SDK2: variants seen among roughly 807,000 people sequenced by gnomAD.
SDK2 encodes the protein sidekick cell adhesion molecule 2, also known as protein sidekick-2.
A neutral mutation model predicts 253.9 loss-of-function variants in SDK2; 105 were observed. The ratio of observed to expected loss-of-function variants is 0.41; its 90% CI spans 0.35 to 0.49. SDK2 has a LOEUF of 0.49. SDK2 is among the 20% of genes least tolerant of loss of function. The pLI, the probability that SDK2 is intolerant of heterozygous loss-of-function variation, is 0.06. For missense variants in SDK2, 2,608 were observed against 3,003.0 expected (o/e 0.87, Z 3.07); for synonymous variants, 1,249 against 1,234.9 (o/e 1.01, Z -0.24).
chr17:73,585,517 C>T lies in SDK2; in HGVS notation c.64+58508G>A, dbSNP rs149993576. Among the ~76,000 whole-genome samples the T allele has an allele frequency of 2.4e-3, 373 of 152,320 alleles. 5 individuals carry two copies. In the South Asian group the frequency reaches 0.034, roughly 14 times the overall value. ...GTGCTGCGGGTCTGTGGGCCACACT[C>T]TGAATAGCACCTACTAACTAGCAAG... On this transcript the variant is annotated intron_variant, in intron 1 of 44. Transcript: ENST00000392650.
intron 44 of SDK2, among the ~76,000 whole-genome samples, chr17:73,346,801 C>A (rs2062488485): frequency 6.6e-6 from 1 of 152,140 alleles, no homozygotes; most frequent in African/African-American, 2.4e-5. Context: ...CTCCAAAGAC[C>A]TGGGGGAAGG....
intron 2 of SDK2, among the ~76,000 whole-genome samples, chr17:73,473,277 G>C (rs1380714986): frequency 6.6e-6 from 1 of 152,224 alleles, no homozygotes; most frequent in Non-Finnish European, 1.5e-5. Flanking sequence ...GAGAGGCAAG[G>C]AGGAGGCACG....
chr17:73,592,260 G>C (rs893570568), intron 1 of SDK2, among the ~76,000 whole-genome samples: 7 of 152,218 alleles, frequency 4.6e-5, no homozygotes, highest in African/African-American at 1.7e-4. Flanking sequence ...AAAGATCTAG[G>C]CCTCTCGGCC....
intron 8 of SDK2, among the ~76,000 whole-genome samples, chr17:73,436,026 T>C (rs1469702046): frequency 6.6e-6 from 1 of 152,166 alleles, no homozygotes; most frequent in Non-Finnish European, 1.5e-5. Context: ...AGTGCTAGGA[T>C]GACAGGTGTG....
chr17:73,406,725 A>T (rs2063082501), intron 18 of SDK2, among the ~76,000 whole-genome samples: 2 of 152,218 alleles, frequency 1.3e-5, no homozygotes, highest in South Asian at 4.1e-4. Flanking sequence ...AAATTAAATT[A>T]AAAAATCAAT....
intron 32 of SDK2, 63 bp from the exon 33 acceptor site, chr17:73,384,074 C>G (rs2062853442): frequency 6.4e-7 from 1 of 1,554,440 alleles, no homozygotes; most frequent in Non-Finnish European, 8.8e-7. Flanking sequence ...TCCCCACGCT[C>G]TCTCATCATG....
At position 73,400,372 on chromosome 17, in the gene SDK2, A is replaced by G. The variant is rs539809483; in HGVS notation, c.2971+648T>C. 3.3e-5 allele frequency among the ~76,000 whole-genome samples: 5 copies of G among 152,322 alleles called. No homozygotes were observed. The South Asian group carries it at 1.0e-3, about 32-fold the overall frequency. On this transcript the variant is annotated intron_variant, in intron 21 of 44. Transcript: ENST00000392650. ...GAATCCAAGGTGGACCCTCTGGGCGACAGTGGGAAATTTTCCCCTGAATCA... is the reference window on the plus strand; with the variant it reads ...GAATCCAAGGTGGACCCTCTGGGCGGCAGTGGGAAATTTTCCCCTGAATCA...
At chr17:73,426,614 T>C (rs527934436) in intron 12 of SDK2, among the ~76,000 whole-genome samples, 1 of 152,278 alleles carries the variant, frequency 6.6e-6, no homozygotes, top group South Asian at 2.1e-4. Context: ...AAGGACAAAT[T>C]CTCAGCAGTG....
In SDK2 at chr17:73,451,608, G is replaced by A. The variant is rs149795261; in HGVS notation, c.480-3860C>T. 3.9e-3 allele frequency among the ~76,000 whole-genome samples: 598 copies of A among 152,284 alleles called. 4 individuals are homozygous for A. The highest frequency in any genetic ancestry group is 0.013 in the African/African-American group (555 of 41,574). On this transcript the variant is annotated intron_variant, in intron 4 of 44. Coordinates refer to ENST00000392650, the MANE Select transcript of SDK2 (RefSeq NM_001144952.2). ...TGGGCTCTGCTTTAACTAGTGCCTG[G>A]AGGGAAGCACCCTGGACTGGGACCC...
chr17:73,615,722 C>T (rs772208184), intron 1 of SDK2, among the ~76,000 whole-genome samples: 1 of 152,164 alleles, frequency 6.6e-6, no homozygotes, highest in South Asian at 2.1e-4. Context: ...CAAGCTGGTC[C>T]GACAGCCCAC....
intron 18 of SDK2, among the ~76,000 whole-genome samples, chr17:73,406,284 C>T (rs539948507): frequency 2.8e-4 from 41 of 146,612 alleles, no homozygotes; most frequent in Admixed American, 2.1e-3. Context: ...CGCTCTGTTG[C>T]CTAGGCTAGG....
At chr17:73,581,514 C>G (rs1241826287) in intron 1 of SDK2, among the ~76,000 whole-genome samples, 1 of 152,236 alleles carries the variant, frequency 6.6e-6, no homozygotes, top group Non-Finnish European at 1.5e-5. Context: ...GATAAGCGCA[C>G]CTTCAAGGCT....
chr17:73,592,213 C>T (rs2045692572), intron 1 of SDK2, among the ~76,000 whole-genome samples: 1 of 152,310 alleles, frequency 6.6e-6, no homozygotes, highest in African/African-American at 2.4e-5. Flanking sequence ...CAGGCCACAG[C>T]CATGCCTCCG....
intron 44 of SDK2, among the ~76,000 whole-genome samples, chr17:73,345,336 A>T (rs1035161703): frequency 6.6e-5 from 10 of 152,124 alleles, no homozygotes; most frequent in Non-Finnish European, 7.4e-5. Context: ...AAAAGAAAAA[A>T]AAAGAGAAAG....
Position 73,335,371 on chromosome 17 carries a change from G to A in SDK2, c.*3216C>T, listed in dbSNP as rs1412287004. 1 of 152,304 alleles carries A rather than the reference G, an allele frequency of 6.6e-6. No individual in the cohort carries two copies. The highest frequency in any genetic ancestry group is 1.5e-5 in the Non-Finnish European group (1 of 68,114). 9.4% of individuals were successfully genotyped at this position (152,304 alleles called of 1,614,324 possible). A position where few individuals can be genotyped will look rare whatever the true frequency, so the allele number is the denominator to read the frequency against. ...GTGTCCTGGTGTGAACCTGCTTTGG[G>A]TGGAGTCCCACAGGCAGGGGCCCTG... On this transcript the variant is annotated 3_prime_UTR_variant, in exon 45 of 45. Transcript: ENST00000392650.
intron 2 of SDK2, among the ~76,000 whole-genome samples, chr17:73,500,889 T>G (rs2063885998): frequency 6.6e-6 from 1 of 150,826 alleles, no homozygotes; most frequent in African/African-American, 2.4e-5. Context: ...TCCCTCCATC[T>G]CCTCCATCCT....
chr17:73,478,422 C>G (rs2063700629), intron 2 of SDK2, among the ~76,000 whole-genome samples: 1 of 152,092 alleles, frequency 6.6e-6, no homozygotes, highest in Non-Finnish European at 1.5e-5. Context: ...GGGCTTGGGG[C>G]TGGGGGCAGA....
chr17:73,373,025 T>C (rs2062749710), intron 36 of SDK2, among the ~76,000 whole-genome samples: 1 of 152,254 alleles, frequency 6.6e-6, no homozygotes, highest in Non-Finnish European at 1.5e-5. Context: ...TTCTCCCTAT[T>C]TCCCTCACTC....
chr17:73,535,128 G>T (rs1290235061), intron 1 of SDK2, among the ~76,000 whole-genome samples: 2 of 152,198 alleles, frequency 1.3e-5, no homozygotes, highest in Non-Finnish European at 2.9e-5. Context: ...GAAACCAAAG[G>T]TGGCCTCGAC....
Sources: allele counts gnomAD v4.1 joint callset (sites outside exome capture counted in the v4.1 genomes callset), GRCh38; gene constraint gnomAD v4.1.1; transcripts MANE v1.5; gene names NCBI Gene and HGNC (gene_info 2026-07-23, HGNC 2026-07-21).